Variants in KCNT2 observed in about 807,000 individuals in gnomAD.
KCNT2 encodes potassium sodium-activated channel subfamily T member 2.
KCNT2 carries 67 observed loss-of-function variants against 153.8 expected under a neutral mutation model. The ratio of observed to expected loss-of-function variants is 0.44; its 90% CI spans 0.36 to 0.53. The LOEUF (loss-of-function observed/expected upper bound fraction) is 0.53, where lower values mean the gene tolerates loss of function less well. Ranked by LOEUF, KCNT2 falls within the 20% of genes least tolerant of loss-of-function variation. KCNT2 has a pLI of 0.00. For missense variants in KCNT2, 975 were observed against 1,354.8 expected, an observed-to-expected ratio of 0.72 and a Z score of 4.40; for synonymous variants, 500 against 458.8, an observed-to-expected ratio of 1.09 and a Z score of -1.15.
chr1:196,592,525 T>C (rs893199052), intron 1 of KCNT2, among the ~76,000 whole-genome samples: 3 of 147,590 alleles, frequency 2.0e-5, no homozygotes, highest in Admixed American at 6.8e-5. Flanking sequence ...TATTAATATA[T>C]AACTTTCTAA....
intron 13 of KCNT2, among the ~76,000 whole-genome samples, chr1:196,374,180 T>C (rs1668759380): frequency 6.6e-6 from 1 of 151,976 alleles, no homozygotes; most frequent in African/African-American, 2.4e-5. Context: ...TCTAAGAAAA[T>C]ACATATTCTT....
intron 1 of KCNT2, among the ~76,000 whole-genome samples, chr1:196,510,579 A>G (rs1402022916): frequency 6.6e-6 from 1 of 152,244 alleles, no homozygotes; most frequent in African/African-American, 2.4e-5. Context: ...TTACACAAGA[A>G]ACAATGGTTA....
chr1:196,411,110 CT>C (rs1672283639), intron 12 of KCNT2, among the ~76,000 whole-genome samples: 2 of 77,850 alleles, frequency 2.6e-5, no homozygotes, highest in African/African-American at 7.2e-5. Flanking sequence ...TCCTTCCTTC[CT>C]TCCTTCCTTC....
rs550872939 is a variant in KCNT2, at chr1:196,234,900, C to A, written c.3296+1086G>T. ...CAGTAATACAATCTATAGTTAGTTA[C>A]CCTGGGTAAACATCACTTGATCTAC... On this transcript the variant is annotated intron_variant, in intron 27 of 27. Transcript: ENST00000294725. Among the ~76,000 whole-genome samples, 4 of 151,308 alleles carry A rather than the reference C, an allele frequency of 2.6e-5. No individual in the cohort carries two copies. In the East Asian group the frequency reaches 5.8e-4, roughly 22 times the overall value.
chr1:196,469,436 A>G (rs1677897080), intron 5 of KCNT2, among the ~76,000 whole-genome samples: 1 of 152,140 alleles, frequency 6.6e-6, no homozygotes, highest in Admixed American at 6.5e-5. Flanking sequence ...AATGATATTC[A>G]CTAACCATCA....
chr1:196,245,036 A>G (rs1655311684), intron 26 of KCNT2, among the ~76,000 whole-genome samples: 1 of 152,156 alleles, frequency 6.6e-6, no homozygotes, highest in African/African-American at 2.4e-5. Flanking sequence ...ATAAAGAAAA[A>G]GAACAAGAGT....
chr1:196,323,644 A>C (rs754786576), intron 19 of KCNT2, among the ~76,000 whole-genome samples: 16 of 151,924 alleles, frequency 1.1e-4, no homozygotes, highest in Admixed American at 2.0e-4. Context: ...ATGTGTATGA[A>C]TATTATAAAT....
At chr1:196,268,576 C>A (rs1170975436) in intron 25 of KCNT2, among the ~76,000 whole-genome samples, 9 of 152,108 alleles carry the variant, frequency 5.9e-5, no homozygotes, top group Non-Finnish European at 4.4e-5. Context: ...TGTCTCACTC[C>A]AGTTTTGATG....
At chr1:196,479,307 T>A in intron 4 of KCNT2, 69 bp from the exon 5 acceptor site, 1 of 889,252 alleles carries the variant, frequency 1.1e-6, no homozygotes, top group Non-Finnish European at 1.8e-6. Context: ...TTGGCTATAC[T>A]ACTAACTTTA....
chr1:196,228,471 T>A, intron 27 of KCNT2, 136 bp from the exon 28 acceptor site: 1 of 535,182 alleles, frequency 1.9e-6, no homozygotes, highest in Admixed American at 3.7e-5. Context: ...ACATTGGTGG[T>A]AGAACTCACT....
intron 8 of KCNT2, among the ~76,000 whole-genome samples, chr1:196,439,881 G>C (rs1259007078): frequency 6.6e-6 from 1 of 151,790 alleles, no homozygotes; most frequent in African/African-American, 2.4e-5. Flanking sequence ...ACACACCAAG[G>C]CCTGTCGGTG....
intron 1 of KCNT2, among the ~76,000 whole-genome samples, chr1:196,533,469 A>C (rs1409853803): frequency 5.3e-5 from 8 of 152,252 alleles, no homozygotes; most frequent in African/African-American, 1.4e-4. Flanking sequence ...TCGTACTGGC[A>C]TTAACTGGCA....
At chr1:196,393,399 CT>C (rs1232325846) in intron 13 of KCNT2, among the ~76,000 whole-genome samples, 1 of 151,484 alleles carries the variant, frequency 6.6e-6, no homozygotes. Context: ...TTAATTTACT[CT>C]TAAAACATGA....
intron 12 of KCNT2, among the ~76,000 whole-genome samples, chr1:196,404,872 A>G (rs1338534010): frequency 1.3e-5 from 2 of 151,710 alleles, no homozygotes; most frequent in African/African-American, 2.4e-5. Context: ...GATAGTGTGA[A>G]CATTAAATGT....
rs569940547 is a variant in KCNT2 at position 196,458,344 on chromosome 1, A to G, written c.638+6949T>C. ...TTATTTTAGAAAATATTTCAAGATA[A>G]TCTCATGAAGAATGTTGGATTTGAG... On this transcript the variant is annotated intron_variant, in intron 8 of 27. Transcript: ENST00000294725. Among the ~76,000 whole-genome samples the G allele has an allele frequency of 2.6e-4, 39 of 152,020 alleles. 1 individual carries two copies. The South Asian group carries it at 7.7e-3, about 30-fold the overall frequency.
At chr1:196,541,320 C>G (rs1188710336) in intron 1 of KCNT2, among the ~76,000 whole-genome samples, 1 of 151,904 alleles carries the variant, frequency 6.6e-6, no homozygotes, top group African/African-American at 2.4e-5. Context: ...AACAATATAA[C>G]TTGCTACAGA....
At chr1:196,417,692 T>A (rs1672865251) in intron 12 of KCNT2, among the ~76,000 whole-genome samples, 1 of 152,136 alleles carries the variant, frequency 6.6e-6, no homozygotes, top group African/African-American at 2.4e-5. Flanking sequence ...CATGATTCAC[T>A]TAGCGATGGG....
chr1:196,385,785 A>G (rs1040447286), intron 13 of KCNT2, among the ~76,000 whole-genome samples: 6 of 148,122 alleles, frequency 4.1e-5, no homozygotes, highest in African/African-American at 1.5e-4. Context: ...ATATATATAT[A>G]TATATATTTT....
intron 5 of KCNT2, 126 bp downstream of exon 5, chr1:196,479,053 G>C (rs1678780346): frequency 1.5e-6 from 1 of 649,088 alleles, no homozygotes; most frequent in East Asian, 2.9e-5. Context: ...TACTGGAGCG[G>C]CTCAAAACAA....
Sources: allele counts gnomAD v4.1 joint callset (sites outside exome capture counted in the v4.1 genomes callset), GRCh38; gene constraint gnomAD v4.1.1; transcripts MANE v1.5; gene names NCBI Gene and HGNC (gene_info 2026-07-23, HGNC 2026-07-21).